MLPH: variants seen among roughly 807,000 people sequenced by gnomAD.
MLPH encodes melanophilin.
MLPH carries 51 observed loss-of-function variants against 72.1 expected under a neutral mutation model. The observed-to-expected ratio is 0.71, with a 90% CI of 0.56 to 0.89. The LOEUF (loss-of-function observed/expected upper bound fraction) is 0.89. Among genes scored for constraint, MLPH ranks in the 40% least tolerant of loss-of-function variants. MLPH has a pLI of 0.00. For missense variants in MLPH, 743 were observed against 759.9 expected, an observed-to-expected ratio of 0.98 and a Z score of 0.26; for synonymous variants, 301 against 310.1, an observed-to-expected ratio of 0.97 and a Z score of 0.31.
chr2:237,523,149 T>A (rs991085167), intron 6 of MLPH, among the ~76,000 whole-genome samples: 2 of 152,202 alleles, frequency 1.3e-5, no homozygotes, highest in African/African-American at 2.4e-5. Flanking sequence ...TGGTCTAGTG[T>A]GAAGCTTAGT....
At chr2:237,504,258 C>T (rs2079715130) in intron 2 of MLPH, among the ~76,000 whole-genome samples, 1 of 152,040 alleles carries the variant, frequency 6.6e-6, no homozygotes, top group African/African-American at 2.4e-5. Context: ...CTCTTACTGC[C>T]CAGGCTGGAG....
chr2:237,547,196 A>G (rs2080939184), intron 13 of MLPH, among the ~76,000 whole-genome samples: 1 of 152,246 alleles, frequency 6.6e-6, no homozygotes, highest in Non-Finnish European at 1.5e-5. Context: ...CATCTGGGAG[A>G]CATAGGCGCT....
intron 8 of MLPH, among the ~76,000 whole-genome samples, chr2:237,530,993 T>G (rs887034611): frequency 3.3e-5 from 5 of 152,172 alleles, no homozygotes; most frequent in Non-Finnish European, 7.4e-5. Flanking sequence ...TTACTCACAG[T>G]CAGGCAGCGA....
intron 4 of MLPH, among the ~76,000 whole-genome samples, chr2:237,514,309 G>A (rs1442182812): frequency 6.6e-6 from 1 of 152,000 alleles, no homozygotes; most frequent in Admixed American, 6.6e-5. Flanking sequence ...ATGTTGCCCA[G>A]GCTGGTTTTG....
Position 237,493,553 on chromosome 2 carries a change from G to A in MLPH, c.110+17G>A, listed in dbSNP as rs770056442. The A allele has an allele frequency of 1.4e-5, 22 of 1,595,116 alleles. No individual in the cohort carries two copies. Among genetic ancestry groups the A allele is most frequent in the African/African-American group, 2.7e-5 (2 of 74,510 alleles). ...ACGGCTAGAGTGAGTGTGCCGTGCT[G>A]AGCCCACGGAGCCCGGGGTCCCTGA... On this transcript the variant is annotated intron_variant, in intron 2 of 15. Coordinates refer to ENST00000264605, the MANE Select transcript of MLPH (RefSeq NM_024101.7).
chr2:237,510,314 A>G lies in MLPH; in HGVS notation c.111-260A>G. ...TGTAAACAGCCACAGAAATGCTTAAATGCAATATCATTTCTATGAAATTAA... is the reference window on the plus strand; with the variant it reads ...TGTAAACAGCCACAGAAATGCTTAAGTGCAATATCATTTCTATGAAATTAA... On this transcript the variant is annotated intron_variant, in intron 2 of 15. Transcript: ENST00000264605. This position sits in a 1 kb window ranked among gnomAD's most constrained non-coding sequence, Gnocchi z 4.4. 1 of 547,122 alleles carries G rather than the reference A, an allele frequency of 1.8e-6. No homozygotes were observed. The highest frequency in any genetic ancestry group is 3.3e-6 in the Non-Finnish European group (1 of 302,778). 33.9% of individuals were successfully genotyped at this position (547,122 alleles called of 1,614,324 possible).
rs1032387141 is a variant in MLPH at position 237,511,519 on chromosome 2, A to G, written c.445+418A>G. 4.1e-5 allele frequency: 8 copies of G among 195,806 alleles called. No individual in the cohort carries two copies. In the South Asian group the frequency reaches 7.6e-4, roughly 19 times the overall value. The allele number at this position is 195,806 out of a possible 1,614,324, so 12.1% of individuals were successfully genotyped here. The stretch of plus-strand genomic sequence containing the variant: ...TGAAGTTGCCAATATTTGAAATTAT[A>G]TTGTTTTCAAATCTTCAAAGTAAGT... On this transcript the variant is annotated intron_variant, in intron 4 of 15. Coordinates refer to ENST00000264605, the MANE Select transcript of MLPH (RefSeq NM_024101.7).
At chr2:237,503,807 G>A (rs138503589) in intron 2 of MLPH, among the ~76,000 whole-genome samples, 58 of 152,200 alleles carry the variant, frequency 3.8e-4, no homozygotes, top group East Asian at 2.9e-3. Context: ...GATGCTTACC[G>A]GTGGTAAGCA....
Position 237,510,357 on chromosome 2 carries a change from C to T in MLPH, c.111-217C>T, listed in dbSNP as rs1002369426. On this transcript the variant is annotated intron_variant, in intron 2 of 15. Coordinates refer to ENST00000264605, the MANE Select transcript of MLPH (RefSeq NM_024101.7). This position sits in a 1 kb window ranked among gnomAD's most constrained non-coding sequence, Gnocchi z 4.4. ...GAAATTAACGTGTTTCCATTCCATTCCAGCCACCAAAATTGCCCGTTTGAG... is the reference window on the plus strand; with the variant it reads ...GAAATTAACGTGTTTCCATTCCATTTCAGCCACCAAAATTGCCCGTTTGAG... 10 of 623,112 alleles carry T rather than the reference C, an allele frequency of 1.6e-5. No individual in the cohort carries two copies. In the East Asian group the frequency reaches 2.5e-4, roughly 16 times the overall value. 38.6% of individuals were successfully genotyped at this position (623,112 alleles called of 1,614,324 possible).
chr2:237,513,102 TAAA>T (rs57193032), intron 4 of MLPH, among the ~76,000 whole-genome samples: 2,579 of 138,040 alleles, frequency 0.019, 48 homozygotes, highest in South Asian at 0.05. Flanking sequence ...GCTGTGCCTT[TAAA>T]AAAAAAAAAA....
At chr2:237,519,845 G>T (rs2080140107) in intron 5 of MLPH, 65 bp from the exon 6 acceptor site, 2 of 1,612,480 alleles carry the variant, frequency 1.2e-6, no homozygotes, top group Non-Finnish European at 1.7e-6. Context: ...GGAGGTGCAG[G>T]GTATTTGGTC....
At chr2:237,511,380 G>A in intron 4 of MLPH, 2 of 421,010 alleles carry the variant, frequency 4.8e-6, no homozygotes, top group South Asian at 2.1e-5. Flanking sequence ...CCGAAGTGCT[G>A]GGGTTATAAG....
intron 12 of MLPH, 25 bp downstream of exon 12, chr2:237,542,684 GAGACAGT>G: frequency 1.4e-6 from 2 of 1,475,616 alleles, no homozygotes; most frequent in Non-Finnish European, 1.8e-6. Flanking sequence ...GTGGTGAGTG[GAGACAGT>G]GCTGAGTGGG....
chr2:237,553,525 A>G, intron 15 of MLPH, 41 bp from the exon 16 acceptor site: 1 of 1,597,132 alleles, frequency 6.3e-7, no homozygotes, highest in Non-Finnish European at 8.6e-7. Context: ...ATGCCTGTGT[A>G]TGTGTGTGCT....
intron 13 of MLPH, among the ~76,000 whole-genome samples, chr2:237,546,944 C>A (rs956145397): frequency 6.6e-6 from 1 of 152,268 alleles, no homozygotes. Flanking sequence ...GAAAGTGAGA[C>A]GGGAAAGGAA....
At chr2:237,546,196 T>C (rs1447960072) in intron 12 of MLPH, among the ~76,000 whole-genome samples, 1 of 152,186 alleles carries the variant, frequency 6.6e-6, no homozygotes, top group Admixed American at 6.5e-5. Context: ...CAATTTAGTC[T>C]GGCTCAGTGA....
intron 4 of MLPH, among the ~76,000 whole-genome samples, chr2:237,516,761 T>C (rs932483652): frequency 6.6e-6 from 1 of 151,474 alleles, no homozygotes; most frequent in Non-Finnish European, 1.5e-5. Flanking sequence ...GTAGATGGAT[T>C]GTGGGAGAGG....
intron 8 of MLPH, among the ~76,000 whole-genome samples, chr2:237,533,021 TGA>T (rs1229812554): frequency 6.6e-5 from 10 of 152,272 alleles, no homozygotes; most frequent in African/African-American, 2.4e-4. Context: ...TCCTTACCAA[TGA>T]GAGGAGCTGA....
chr2:237,518,246 G>C, intron 4 of MLPH: 1 of 508,908 alleles, frequency 2.0e-6, no homozygotes. Flanking sequence ...TGGGTGGGTG[G>C]ATGGATTGAT....
Sources: allele counts gnomAD v4.1 joint callset (sites outside exome capture counted in the v4.1 genomes callset), GRCh38; gene constraint gnomAD v4.1.1; non-coding constraint Gnocchi (gnomAD v3.1); transcripts MANE v1.5; gene names NCBI Gene and HGNC (gene_info 2026-07-23, HGNC 2026-07-21).